The following GCM1 variants were observed in gnomAD, a reference collection of about 807,000 sequenced individuals.
GCM1 encodes chorion-specific transcription factor GCMa.
In GCM1, 2 loss-of-function variants were observed where a neutral mutation model predicts 25.7. The ratio of observed to expected loss-of-function variants is 0.08; its 90% confidence interval spans 0.03 to 0.24. The LOEUF is 0.24. Among genes scored for constraint, GCM1 ranks in the 10% least tolerant of loss-of-function variants. GCM1 has a pLI of 1.00. For synonymous variants in GCM1, 183 were observed against 195.7 expected (o/e 0.94, Z 0.54); for missense variants, 395 against 538.7 (o/e 0.73, Z 2.64).
rs138196931 is a variant in GCM1, at chr6:53,132,030, C to G, written c.418G>C (p.Asp140His). The G allele has an allele frequency of 6.2e-7, 1 of 1,608,920 alleles. No homozygotes were observed. The highest frequency in any genetic ancestry group is 1.7e-5 in the Admixed American group (1 of 60,024). Residue 140 changes from aspartate (D) to histidine (H), a missense_variant, in exon 4 of 6, where the codon GAC becomes CAC. Around this residue, in one of 5 missense-constraint regions of GCM1, gnomAD observed 32 missense variants for 97.7 expected, o/e 0.33. Transcript: ENST00000259803. ...GFPVTNFWRH[D>H]GRFIFFQSKG... Reference sequence around the variant, plus strand: ...ACCTGGAAAAATATAAAGCGTCCGTCGTGCCTCCAGAAGTTGGTGACCGGG... The same window carrying G: ...ACCTGGAAAAATATAAAGCGTCCGTGGTGCCTCCAGAAGTTGGTGACCGGG...
At chr6:53,131,961 ACTC>A in intron 4 of GCM1, 43 bp downstream of exon 4, 1 of 1,057,922 alleles carries the variant, frequency 9.5e-7, no homozygotes, top group Non-Finnish European at 1.5e-6. Flanking sequence ...CTCTGGTGAA[ACTC>A]CTCAGTAATG....
At chr6:53,138,957 T>C (rs1763837686) in intron 2 of GCM1, among the ~76,000 whole-genome samples, 1 of 152,216 alleles carries the variant, frequency 6.6e-6, no homozygotes, top group Non-Finnish European at 1.5e-5. Flanking sequence ...GTATGTATTG[T>C]TATATAAAAC....
intron 2 of GCM1, among the ~76,000 whole-genome samples, chr6:53,138,761 TA>T (rs1196326869): frequency 1.3e-5 from 2 of 152,194 alleles, no homozygotes; most frequent in African/African-American, 4.8e-5. Context: ...ATCTCCTGGG[TA>T]ACATCACTGG....
chr6:53,132,766 G>C (rs963093696), intron 3 of GCM1, among the ~76,000 whole-genome samples: 1 of 152,128 alleles, frequency 6.6e-6, no homozygotes, highest in African/African-American at 2.4e-5. Flanking sequence ...GGGTCAAGGG[G>C]CCAAGCTACA....
Position 53,134,339 on chromosome 6 carries a change from A to G in GCM1, c.76-15T>C. 6.2e-7 allele frequency: 1 copy of G among 1,612,214 alleles called. No individual in the cohort carries two copies. Among genetic ancestry groups the G allele is most frequent in the Non-Finnish European group, 8.5e-7 (1 of 1,178,340 alleles). On this transcript the variant is annotated splice_polypyrimidine_tract_variant and intron_variant, in intron 2 of 5. Coordinates refer to ENST00000259803, the MANE Select transcript of GCM1 (RefSeq NM_003643.4). Reference sequence around the variant, plus strand: ...TTTTTCACGTTCTGATAGAAACACAAAAGATACGACTATACTTTAAGCTAG... The same window carrying G: ...TTTTTCACGTTCTGATAGAAACACAGAAGATACGACTATACTTTAAGCTAG...
intron 2 of GCM1, among the ~76,000 whole-genome samples, chr6:53,144,992 GAGAAAGAAAGAAAAAA>G (rs1053703558): frequency 5.1e-5 from 7 of 137,400 alleles, no homozygotes; most frequent in South Asian, 2.3e-4. Flanking sequence ...GAAAGAGAGA[GAGAAAGAAAGAAAAAA>G]AGAAAGAAAG....
At chr6:53,144,963 GA>G (rs1336054117) in intron 2 of GCM1, among the ~76,000 whole-genome samples, 1 of 94,600 alleles carries the variant, frequency 1.1e-5, no homozygotes, top group Admixed American at 1.0e-4. Flanking sequence ...AGAAAAGAAA[GA>G]AAGAAAGAAA....
At chr6:53,130,296 A>G (rs1763705346) in intron 5 of GCM1, among the ~76,000 whole-genome samples, 2 of 152,304 alleles carry the variant, frequency 1.3e-5, no homozygotes, top group South Asian at 4.1e-4. Flanking sequence ...TGGACTTCAC[A>G]TCACAGTTTG....
At chr6:53,148,283 T>C (rs1763994669) in intron 1 of GCM1, among the ~76,000 whole-genome samples, 1 of 152,168 alleles carries the variant, frequency 6.6e-6, no homozygotes, top group South Asian at 2.1e-4. Flanking sequence ...TTGGAATAGA[T>C]CTACTTTTTA....
At chr6:53,135,845 T>C (rs1286366187) in intron 2 of GCM1, among the ~76,000 whole-genome samples, 1 of 152,254 alleles carries the variant, frequency 6.6e-6, no homozygotes, top group Admixed American at 6.5e-5. Flanking sequence ...AGTGTCAGGA[T>C]TGACGGGCAT....
chr6:53,136,682 G>T (rs568717794), intron 2 of GCM1, among the ~76,000 whole-genome samples: 2 of 152,110 alleles, frequency 1.3e-5, no homozygotes, highest in African/African-American at 4.8e-5. Context: ...CAAGATAAGA[G>T]TCCAAGTCCC....
rs17816774 is a variant in GCM1 at position 53,133,934 on chromosome 6, T to C, written c.328+138A>G. On this transcript the variant is annotated intron_variant, in intron 3 of 5. Coordinates refer to ENST00000259803, the MANE Select transcript of GCM1 (RefSeq NM_003643.4). Reference sequence around the variant, plus strand: ...GGTTGGTTCCGCTCCATATGCTCCATGTCAGAACAGCCTTGGCTGCCACTA... The same window carrying C: ...GGTTGGTTCCGCTCCATATGCTCCACGTCAGAACAGCCTTGGCTGCCACTA... 999 of 827,886 alleles carry C rather than the reference T, an allele frequency of 1.2e-3. 16 individuals are homozygous for C. The East Asian group carries it at 0.021, about 18-fold the overall frequency. The allele number at this position is 827,886 out of a possible 1,614,324, so 51.3% of individuals were successfully genotyped here.
chr6:53,139,519 G>A (rs1308920362), intron 2 of GCM1, among the ~76,000 whole-genome samples: 3 of 150,208 alleles, frequency 2.0e-5, no homozygotes, highest in African/African-American at 7.4e-5. Context: ...AAAAAAAAGG[G>A]GGAATTACTG....
At chr6:53,139,518 G>C (rs1221828479) in intron 2 of GCM1, among the ~76,000 whole-genome samples, 2 of 146,482 alleles carry the variant, frequency 1.4e-5, no homozygotes, top group Non-Finnish European at 3.0e-5. Context: ...AAAAAAAAAG[G>C]GGGAATTACT....
At chr6:53,133,677 G>A (rs988603434) in intron 3 of GCM1, among the ~76,000 whole-genome samples, 1 of 151,994 alleles carries the variant, frequency 6.6e-6, no homozygotes, top group African/African-American at 2.4e-5. Context: ...TTTTTTTGTA[G>A]GGGTTGGGGT....
intron 4 of GCM1, 58 bp downstream of exon 4, chr6:53,131,949 G>T: frequency 1.1e-6 from 1 of 948,740 alleles, no homozygotes; most frequent in Non-Finnish European, 1.7e-6. Flanking sequence ...TGCATTTCTA[G>T]CCTCTGGTGA....
At chr6:53,142,870 CAAAAAAAAAAAAAAAAAAAA>C (rs60718730) in intron 2 of GCM1, among the ~76,000 whole-genome samples, 2 of 37,510 alleles carry the variant, frequency 5.3e-5, no homozygotes, top group African/African-American at 7.1e-5. Context: ...CAAGGATCTC[CAAAAAAAAAAAAAAAAAAAA>C]AAAAAAAAAA....
chr6:53,147,912 C>T (rs1763986888), intron 1 of GCM1, among the ~76,000 whole-genome samples: 1 of 152,028 alleles, frequency 6.6e-6, no homozygotes, highest in African/African-American at 2.4e-5. Flanking sequence ...TAGAAATGAT[C>T]CCTGAAAGTA....
intron 5 of GCM1, among the ~76,000 whole-genome samples, chr6:53,129,886 G>A (rs773425689): frequency 5.3e-5 from 8 of 152,082 alleles, no homozygotes; most frequent in Non-Finnish European, 1.0e-4. Flanking sequence ...TTGTTCTTTA[G>A]TTAATCGTTA....
Sources: allele counts gnomAD v4.1 joint callset (sites outside exome capture counted in the v4.1 genomes callset), GRCh38; gene constraint gnomAD v4.1.1; regional missense constraint gnomAD v4.1.1; transcripts MANE v1.5; gene names NCBI Gene and HGNC (gene_info 2026-07-23, HGNC 2026-07-21).